TMEM212: variants seen among roughly 807,000 people sequenced by gnomAD.
The protein encoded by TMEM212 is transmembrane protein 212.
TMEM212 carries 23 observed loss-of-function variants against 20.5 expected under a neutral mutation model. The ratio of observed to expected loss-of-function variants is 1.12; its 90% CI spans 0.81 to 1.59. The LOEUF (loss-of-function observed/expected upper bound fraction) is 1.59, where lower values mean the gene tolerates loss of function less well. Ranked by LOEUF, TMEM212 falls within the 40% of genes most tolerant of loss-of-function variation. The pLI is 0.00. For missense variants in TMEM212, 211 were observed against 215.0 expected (o/e 0.98, Z 0.12); for synonymous variants, 76 against 81.6 (o/e 0.93, Z 0.37).
chr3:171,844,423 C>T lies in TMEM212; in HGVS notation c.159+881C>T, dbSNP rs771557324. On this transcript the variant is annotated intron_variant, in intron 1 of 4. Transcript: ENST00000334567. The stretch of plus-strand genomic sequence containing the variant: ...GGAATCTTCTATTAAAATGTAGCCA[C>T]TTGGCCGGGCATGGTGGCTCACGCT... Among the ~76,000 whole-genome samples, 7 of 152,122 alleles carry T rather than the reference C, an allele frequency of 4.6e-5. No individual in the cohort carries two copies. In the South Asian group the frequency reaches 1.2e-3, roughly 27 times the overall value.
chr3:171,852,780 C>T (rs551429861), intron 2 of TMEM212, among the ~76,000 whole-genome samples: 1 of 152,278 alleles, frequency 6.6e-6, no homozygotes, highest in East Asian at 1.9e-4. Flanking sequence ...TCCCATGATA[C>T]AAAAAGACTA....
chr3:171,853,057 C>A (rs1483749352), intron 2 of TMEM212, among the ~76,000 whole-genome samples: 2 of 152,200 alleles, frequency 1.3e-5, no homozygotes, highest in East Asian at 3.8e-4. Flanking sequence ...AGACTAGTTG[C>A]TTCCATGTGA....
intron 1 of TMEM212, among the ~76,000 whole-genome samples, chr3:171,847,125 T>C (rs1012148854): frequency 1.3e-5 from 2 of 152,238 alleles, no homozygotes; most frequent in African/African-American, 4.8e-5. Context: ...ATTTTGGAGC[T>C]AGGTTATTTA....
chr3:171,844,523 T>C (rs750385239), intron 1 of TMEM212, among the ~76,000 whole-genome samples: 15 of 152,116 alleles, frequency 9.9e-5, no homozygotes, highest in Non-Finnish European at 1.8e-4. Flanking sequence ...CTGACCAACA[T>C]GGCGAAACCC....
intron 1 of TMEM212, among the ~76,000 whole-genome samples, chr3:171,848,664 G>C (rs2108379374): frequency 6.6e-6 from 1 of 151,994 alleles, no homozygotes; most frequent in Admixed American, 6.5e-5. Context: ...GAATGGAATA[G>C]ATAATATTAG....
At chr3:171,856,137 A>C (rs1455247335) in intron 3 of TMEM212, among the ~76,000 whole-genome samples, 1 of 152,194 alleles carries the variant, frequency 6.6e-6, no homozygotes, top group African/African-American at 2.4e-5. Flanking sequence ...TGTATAATGT[A>C]AGGGAATTGT....
chr3:171,848,617 G>GAATAGAAT, intron 1 of TMEM212, among the ~76,000 whole-genome samples: 1 of 44,220 alleles, frequency 2.3e-5, no homozygotes, highest in Non-Finnish European at 4.0e-5. Context: ...TAGAACAGAG[G>GAATAGAAT]AGAACAGAGT....
Position 171,847,050 on chromosome 3 carries a change from T to C in TMEM212, c.159+3508T>C, listed in dbSNP as rs1012896969. 3.5e-4 allele frequency among the ~76,000 whole-genome samples: 53 copies of C among 152,246 alleles called. 1 individual carries two copies. The highest frequency in any genetic ancestry group is 1.2e-3 in the African/African-American group (49 of 41,470). The stretch of plus-strand genomic sequence containing the variant: ...CATTCAAGACTCTCTAAGTACTTCA[T>C]ATAGATTGGTCCTCAGACTCCCTAG... On this transcript the variant is annotated intron_variant, in intron 1 of 4. Coordinates refer to ENST00000334567, the MANE Select transcript of TMEM212 (RefSeq NM_001164436.2).
intron 1 of TMEM212, among the ~76,000 whole-genome samples, chr3:171,844,402 T>C (rs1055905828): frequency 2.6e-5 from 4 of 152,116 alleles, no homozygotes; most frequent in Admixed American, 1.3e-4. Flanking sequence ...TCTTAAGGAA[T>C]CTTCTATTAA....
chr3:171,849,352 C>T (rs552097405), intron 1 of TMEM212, among the ~76,000 whole-genome samples: 5 of 152,310 alleles, frequency 3.3e-5, no homozygotes, highest in Admixed American at 2.0e-4. Context: ...TAGCCATTCT[C>T]GTGTGTGCAT....
At chr3:171,843,844 G>A (rs1011505866) in intron 1 of TMEM212, among the ~76,000 whole-genome samples, 1 of 152,032 alleles carries the variant, frequency 6.6e-6, no homozygotes, top group Non-Finnish European at 1.5e-5. Context: ...TAAGAAATTA[G>A]AATCTTTTGA....
chr3:171,849,785 G>C (rs1322177179), intron 1 of TMEM212, among the ~76,000 whole-genome samples: 1 of 152,102 alleles, frequency 6.6e-6, no homozygotes, highest in Non-Finnish European at 1.5e-5. Context: ...TTAGTGGGAG[G>C]GTTCACAATG....
intron 4 of TMEM212, among the ~76,000 whole-genome samples, chr3:171,857,372 A>C (rs1725145955): frequency 6.6e-6 from 1 of 152,182 alleles, no homozygotes; most frequent in Admixed American, 6.6e-5. Flanking sequence ...CCCCGATCTG[A>C]GGCCAGTCAC....
chr3:171,845,225 G>A (rs1270161024), intron 1 of TMEM212, among the ~76,000 whole-genome samples: 2 of 152,024 alleles, frequency 1.3e-5, no homozygotes, highest in East Asian at 3.8e-4. Context: ...AATATTTTAG[G>A]TGAGGACCCA....
intron 1 of TMEM212, among the ~76,000 whole-genome samples, chr3:171,845,909 C>CA (rs1560324676): frequency 6.6e-6 from 1 of 152,198 alleles, no homozygotes; most frequent in African/African-American, 2.4e-5. Context: ...TAATAAAGAG[C>CA]TTTGCCAATT....
At chr3:171,854,706 C>A (rs562464144) in intron 3 of TMEM212, among the ~76,000 whole-genome samples, 1 of 152,174 alleles carries the variant, frequency 6.6e-6, no homozygotes, top group South Asian at 2.1e-4. Context: ...TGAGAAAGAA[C>A]AAAGCTGGAG....
At position 171,857,891 on chromosome 3, in the gene TMEM212, A is replaced by G. The variant is rs1029764754; in HGVS notation, c.*4-170A>G. The stretch of plus-strand genomic sequence containing the variant: ...ATGACTATTATCAACCGGGTAAGAG[A>G]TAACAAGTGTTGGTGAGGATGTGGA... On this transcript the variant is annotated intron_variant, in intron 4 of 4. Coordinates refer to ENST00000334567, the MANE Select transcript of TMEM212 (RefSeq NM_001164436.2). Among the ~76,000 whole-genome samples the G allele has an allele frequency of 5.4e-4, 82 of 152,178 alleles. 2 individuals carry two copies. The highest frequency in any genetic ancestry group is 1.9e-3 in the African/African-American group (78 of 41,412).
At chr3:171,844,866 G>A (rs181105104) in intron 1 of TMEM212, among the ~76,000 whole-genome samples, 16 of 152,232 alleles carry the variant, frequency 1.1e-4, no homozygotes, top group Admixed American at 2.6e-4. Context: ...CCCCTATGTC[G>A]TTGAGTTACA....
chr3:171,853,608 C>T lies in TMEM212; in HGVS notation c.301C>T (p.Leu101=), dbSNP rs1362228346. Residue 101 remains leucine (L), a synonymous_variant, in exon 3 of 5, where the codon CTG becomes TTG. Coordinates refer to ENST00000334567, the MANE Select transcript of TMEM212 (RefSeq NM_001164436.2). The part of the protein sequence containing the change: ...HFAIALESAL[L]GPYCFYSFSG... Reference sequence around the variant, plus strand: ...TGCAATAGCCTTGGAATCTGCTCTCCTGGGCCCATATTGCTTCTATTCATT... The same window carrying T: ...TGCAATAGCCTTGGAATCTGCTCTCTTGGGCCCATATTGCTTCTATTCATT... The T allele has an allele frequency of 2.0e-6, 3 of 1,537,270 alleles. No homozygotes were observed. The highest frequency in any genetic ancestry group is 2.6e-6 in the Non-Finnish European group (3 of 1,146,876).
Sources: allele counts gnomAD v4.1 joint callset (sites outside exome capture counted in the v4.1 genomes callset), GRCh38; gene constraint gnomAD v4.1.1; transcripts MANE v1.5; gene names NCBI Gene and HGNC (gene_info 2026-07-23, HGNC 2026-07-21).